TRPC1: variants seen among roughly 807,000 people sequenced by gnomAD.
The protein encoded by TRPC1 is short transient receptor potential channel 1.
In TRPC1, 42 loss-of-function variants were observed where a neutral mutation model predicts 88.2. The ratio of observed to expected loss-of-function variants is 0.48; its 90% CI spans 0.37 to 0.62. TRPC1 has a LOEUF of 0.62. Among genes scored for constraint, TRPC1 ranks in the 20% least tolerant of loss-of-function variants. The pLI, the probability that TRPC1 is intolerant of heterozygous loss-of-function variation, is 0.00. For synonymous variants in TRPC1, 288 were observed against 331.8 expected (o/e 0.87, Z 1.43); for missense variants, 699 against 957.3 (o/e 0.73, Z 3.56).
At chr3:142,753,694 G>C (rs1195550860) in intron 4 of TRPC1, among the ~76,000 whole-genome samples, 3 of 149,354 alleles carry the variant, frequency 2.0e-5, no homozygotes, top group African/African-American at 7.5e-5. Flanking sequence ...GAACCTGGGA[G>C]GTGGAGGTCA....
chr3:142,750,363 A>T (rs899704997), intron 4 of TRPC1, among the ~76,000 whole-genome samples: 1 of 152,260 alleles, frequency 6.6e-6, no homozygotes, highest in Non-Finnish European at 1.5e-5. Flanking sequence ...AACCACAGTG[A>T]GATACCATCT....
intron 1 of TRPC1, among the ~76,000 whole-genome samples, chr3:142,735,756 T>C (rs1298566591): frequency 3.3e-5 from 5 of 152,030 alleles, no homozygotes; most frequent in Non-Finnish European, 7.4e-5. Flanking sequence ...TTTAATCTAA[T>C]CAGCTTCATT....
chr3:142,756,475 TCAGCCTCCCGA>T (rs1934969415), intron 4 of TRPC1, among the ~76,000 whole-genome samples: 1 of 151,698 alleles, frequency 6.6e-6, no homozygotes, highest in South Asian at 2.1e-4. Context: ...TTCTGCTACC[TCAGCCTCCCGA>T]GTAGCTGGAA....
rs1335048919 is a variant in TRPC1, at chr3:142,776,308, C to A, written c.633-1324C>A. On this transcript the variant is annotated intron_variant, in intron 4 of 12. Transcript: ENST00000476941. The surrounding 1 kb of genome is among the most constrained non-coding windows in gnomAD (Gnocchi z 4.1). ...CATGGATGAGGGAGTATCATGTTTC[C>A]AAATTGCTTACCTTATGTTTTATAA... Among the ~76,000 whole-genome samples, 1 of 151,960 alleles carries A rather than the reference C, an allele frequency of 6.6e-6. No homozygotes were observed. Among genetic ancestry groups the A allele is most frequent in the Non-Finnish European group, 1.5e-5 (1 of 67,986 alleles).
At chr3:142,777,872 C>G in intron 5 of TRPC1, 109 bp downstream of exon 5, 1 of 1,206,450 alleles carries the variant, frequency 8.3e-7, no homozygotes. Context: ...TCCAAGAACA[C>G]TACACCTTGT....
intron 4 of TRPC1, among the ~76,000 whole-genome samples, chr3:142,774,083 G>A (rs1935675426): frequency 6.6e-6 from 1 of 152,068 alleles, no homozygotes; most frequent in South Asian, 2.1e-4. Context: ...ACTCTTTTTA[G>A]TGTCTACATA....
In TRPC1 at chr3:142,792,417, GA is replaced by G. The variant is rs942489880; in HGVS notation, c.1438-400del. 4.6e-5 allele frequency among the ~76,000 whole-genome samples: 7 copies of G among 151,578 alleles called. No individual in the cohort carries two copies. The highest frequency in any genetic ancestry group is 1.2e-4 in the African/African-American group (5 of 41,300). On this transcript the variant is annotated intron_variant, in intron 8 of 12. Transcript: ENST00000476941. The surrounding 1 kb of genome is among the most constrained non-coding windows in gnomAD (Gnocchi z 4.0). ...TTTTTATTTTGTATTTAAAAGGGGG[GA>G]AAAAAACTCTGAATTCCAAGTCAAA...
intron 4 of TRPC1, among the ~76,000 whole-genome samples, chr3:142,752,199 C>T (rs868136569): frequency 2.6e-5 from 4 of 152,118 alleles, no homozygotes; most frequent in Non-Finnish European, 4.4e-5. Context: ...GCACCGGCAC[C>T]GGCCTCTGAG....
At chr3:142,729,853 A>G (rs1933825661) in intron 1 of TRPC1, among the ~76,000 whole-genome samples, 1 of 152,146 alleles carries the variant, frequency 6.6e-6, no homozygotes, top group Non-Finnish European at 1.5e-5. Flanking sequence ...ATGAATGATA[A>G]GGACTAAAAG....
intron 3 of TRPC1, among the ~76,000 whole-genome samples, chr3:142,744,878 C>T (rs181054337): frequency 1.3e-5 from 2 of 152,226 alleles, no homozygotes; most frequent in East Asian, 3.9e-4. Flanking sequence ...TACCGTGAAA[C>T]AAGCAGTTTA....
Position 142,781,016 on chromosome 3 carries a change from A to G in TRPC1, c.947A>G (p.Tyr316Cys). 2.5e-6 allele frequency: 4 copies of G among 1,611,586 alleles called. No individual in the cohort carries two copies. Among genetic ancestry groups the G allele is most frequent in the Non-Finnish European group, 3.4e-6 (4 of 1,179,080 alleles). Residue 316 changes from tyrosine (Y) to cysteine (C), a missense_variant, in exon 6 of 13, where the codon TAT becomes TGT. Physicochemically the swap from Tyr to Cys is radical, Grantham distance 194. Coordinates refer to ENST00000476941, the MANE Select transcript of TRPC1 (RefSeq NM_001251845.2). ...AGTCGTCTAAAACTTGCTATCAAAT[A>G]TAACCAGAAAGAGGTATGAGGCTTT... ...NLSRLKLAIK[Y>C]NQKEFVSQSN...
chr3:142,789,951 A>G (rs1223431864), intron 7 of TRPC1, among the ~76,000 whole-genome samples: 1 of 152,212 alleles, frequency 6.6e-6, no homozygotes, highest in Admixed American at 6.5e-5. Context: ...ATAATCAATT[A>G]ATAATAGACC....
chr3:142,775,956 C>A (rs1038672341), intron 4 of TRPC1, among the ~76,000 whole-genome samples: 1 of 152,112 alleles, frequency 6.6e-6, no homozygotes, highest in Non-Finnish European at 1.5e-5. Context: ...AATACAAATG[C>A]CATATTCCCT....
At chr3:142,749,465 G>A (rs1045956263) in intron 4 of TRPC1, among the ~76,000 whole-genome samples, 3 of 152,154 alleles carry the variant, frequency 2.0e-5, no homozygotes, top group African/African-American at 7.2e-5. Flanking sequence ...ATTCATAGAT[G>A]ACAGCTCCAT....
intron 4 of TRPC1, among the ~76,000 whole-genome samples, chr3:142,764,629 T>C (rs546761094): frequency 6.6e-6 from 1 of 152,288 alleles, no homozygotes; most frequent in South Asian, 2.1e-4. Flanking sequence ...AGAAGTCTGT[T>C]TCCAGATGAA....
intron 2 of TRPC1, 39 bp from the exon 3 acceptor site, chr3:142,743,446 A>C: frequency 7.2e-7 from 1 of 1,383,078 alleles, no homozygotes; most frequent in Non-Finnish European, 9.6e-7. Flanking sequence ...TTACCTTTTT[A>C]TCTTCCATTT....
intron 4 of TRPC1, among the ~76,000 whole-genome samples, chr3:142,755,786 T>C (rs1236363765): frequency 6.6e-6 from 1 of 152,110 alleles, no homozygotes; most frequent in Non-Finnish European, 1.5e-5. Context: ...CAAAAAAGGC[T>C]TTTTTTACAG....
At chr3:142,743,421 G>GA in intron 2 of TRPC1, 64 bp from the exon 3 acceptor site, 4 of 1,155,924 alleles carry the variant, frequency 3.5e-6, no homozygotes, top group Non-Finnish European at 4.7e-6. Flanking sequence ...TTATGAATTA[G>GA]TAAAAAGAAG....
intron 9 of TRPC1, among the ~76,000 whole-genome samples, chr3:142,801,610 C>G (rs1936621833): frequency 6.6e-6 from 1 of 152,102 alleles, no homozygotes; most frequent in South Asian, 2.1e-4. Flanking sequence ...CCTCATTTGG[C>G]TTGCACACAT....
Sources: gnomAD v4.1 joint callset for allele counts (sites outside exome capture counted in the v4.1 genomes callset) on GRCh38, gnomAD v4.1.1 for gene constraint, Gnocchi (gnomAD v3.1) non-coding constraint, MANE v1.5 for transcripts, NCBI Gene and HGNC (gene_info 2026-07-23, HGNC 2026-07-21) for gene names.